The following CTNNA3 variants were observed in gnomAD, a reference collection of about 807,000 sequenced individuals.
CTNNA3 encodes catenin alpha 3.
A neutral mutation model predicts 95.7 loss-of-function variants in CTNNA3; 76 were observed. That is an observed-to-expected ratio of 0.79 (90% confidence interval 0.66 to 0.96). The LOEUF (loss-of-function observed/expected upper bound fraction) is 0.96. Among genes scored for constraint, CTNNA3 ranks in the 40% least tolerant of loss-of-function variants. The probability of loss-of-function intolerance (pLI) is 0.00; values close to 1 mark genes in which losing one functional copy is unlikely to be tolerated. For missense variants in CTNNA3, 1,191 were observed against 1,089.8 expected, an observed-to-expected ratio of 1.09 and a Z score of -1.31; for synonymous variants, 431 against 374.4, an observed-to-expected ratio of 1.15 and a Z score of -1.74.
At chr10:66,958,184 G>A (rs1848921851) in intron 7 of CTNNA3, among the ~76,000 whole-genome samples, 1 of 151,810 alleles carries the variant, frequency 6.6e-6, no homozygotes, top group Admixed American at 6.6e-5. Flanking sequence ...TTGAATAAAA[G>A]AGAAAGGAAG....
chr10:65,978,453 T>C (rs1290261015), intron 16 of CTNNA3, among the ~76,000 whole-genome samples: 1 of 151,426 alleles, frequency 6.6e-6, no homozygotes, highest in African/African-American at 2.4e-5. Context: ...CTTGCACGTG[T>C]TGTTGTTCTC....
intron 15 of CTNNA3, among the ~76,000 whole-genome samples, chr10:65,990,432 G>C (rs112573275): frequency 0.046 from 6,930 of 149,748 alleles, 559 homozygotes; most frequent in African/African-American, 0.16. Context: ...TTCTAACTGG[G>C]GTAAAATGAT....
intron 5 of CTNNA3, among the ~76,000 whole-genome samples, chr10:67,481,725 T>C (rs1389017321): frequency 1.3e-5 from 2 of 152,230 alleles, no homozygotes; most frequent in African/African-American, 2.4e-5. Context: ...TGGTAGTTTT[T>C]TTGCTGTGCA....
At chr10:66,772,559 A>T (rs1840135556) in intron 8 of CTNNA3, among the ~76,000 whole-genome samples, 1 of 152,226 alleles carries the variant, frequency 6.6e-6, no homozygotes, top group South Asian at 2.1e-4. Context: ...AGTCAGGGCC[A>T]AATCACAGAG....
At chr10:66,688,777 C>T (rs1262906280) in intron 9 of CTNNA3, among the ~76,000 whole-genome samples, 1 of 151,226 alleles carries the variant, frequency 6.6e-6, no homozygotes, top group East Asian at 1.9e-4. Flanking sequence ...CGAGACCATC[C>T]TGGCTAACGT....
rs1181811643 is a variant in CTNNA3 at position 66,928,598 on chromosome 10, G to T, written c.1048-153074C>A. The stretch of plus-strand genomic sequence containing the variant: ...TTGCTGGCAAGATCCTTCCTTGTCC[G>T]TTTTAGTGCATTCATAATACTGGTC... On this transcript the variant is annotated intron_variant, in intron 7 of 17. Transcript: ENST00000433211. The T allele has an allele frequency of 5.7e-6, 4 of 698,302 alleles. No individual in the cohort carries two copies. In the African/African-American group the frequency reaches 7.2e-5, roughly 13 times the overall value. The allele number at this position is 698,302 out of a possible 1,614,324, so 43.3% of individuals were successfully genotyped here.
chr10:66,163,380 C>T (rs1589604475), intron 13 of CTNNA3, among the ~76,000 whole-genome samples: 1 of 152,244 alleles, frequency 6.6e-6, no homozygotes, highest in Admixed American at 6.5e-5. Flanking sequence ...GCTCCCAGGG[C>T]CTTTCTGCTG....
intron 11 of CTNNA3, among the ~76,000 whole-genome samples, chr10:66,425,312 C>G (rs1273734643): frequency 6.6e-6 from 1 of 151,696 alleles, no homozygotes; most frequent in African/African-American, 2.4e-5. Flanking sequence ...AATAAATTTA[C>G]AATGAGTATG....
intron 13 of CTNNA3, among the ~76,000 whole-genome samples, chr10:66,275,391 C>T (rs1168437638): frequency 6.6e-6 from 1 of 152,202 alleles, no homozygotes; most frequent in Non-Finnish European, 1.5e-5. Context: ...CAGGCGTGAG[C>T]CACTGAACTT....
intron 13 of CTNNA3, among the ~76,000 whole-genome samples, chr10:66,222,423 CAT>C (rs1304658485): frequency 6.6e-6 from 1 of 151,960 alleles, no homozygotes; most frequent in East Asian, 1.9e-4. Context: ...TAATTTTGAC[CAT>C]AGACCCAAAA....
chr10:66,574,436 C>CAATGAAAAAAGCAAAAATAAGAT, intron 10 of CTNNA3, among the ~76,000 whole-genome samples: 1 of 150,998 alleles, frequency 6.6e-6, no homozygotes, highest in East Asian at 2.0e-4. Context: ...TCAAAAGTAC[C>CAATGAAAAAAGCAAAAATAAGAT]AATGAAAAAA....
chr10:67,044,200 GA>G (rs1258142471), intron 7 of CTNNA3, among the ~76,000 whole-genome samples: 1 of 151,902 alleles, frequency 6.6e-6, no homozygotes, highest in Non-Finnish European at 1.5e-5. Flanking sequence ...TAATATTAAA[GA>G]AAAAATATGG....
At chr10:67,435,773 G>A (rs764596468) in intron 5 of CTNNA3, among the ~76,000 whole-genome samples, 5 of 152,026 alleles carry the variant, frequency 3.3e-5, no homozygotes, top group Admixed American at 6.6e-5. Flanking sequence ...CAAAGCAGTC[G>A]AAAGACCTAT....
At chr10:66,081,124 C>CAGAAGT in intron 14 of CTNNA3, among the ~76,000 whole-genome samples, 1 of 152,216 alleles carries the variant, frequency 6.6e-6, no homozygotes, top group South Asian at 2.1e-4. Flanking sequence ...CAGAAGTCAA[C>CAGAAGT]CAATGAACCT....
At chr10:67,676,318 A>G (rs551294216) in intron 1 of CTNNA3, among the ~76,000 whole-genome samples, 1 of 152,200 alleles carries the variant, frequency 6.6e-6, no homozygotes, top group Non-Finnish European at 1.5e-5. Context: ...TTCTGAGGTC[A>G]TGCCACTGGA....
chr10:67,586,212 TA>T (rs1842620647), intron 3 of CTNNA3, among the ~76,000 whole-genome samples: 1 of 152,088 alleles, frequency 6.6e-6, no homozygotes. Flanking sequence ...CAATTTTTTT[TA>T]ATTTGTTGTG....
Position 67,183,806 on chromosome 10 carries a change from T to A in CTNNA3, c.844-3286A>T, listed in dbSNP as rs1039004503. Among the ~76,000 whole-genome samples, 5 of 152,062 alleles carry A rather than the reference T, an allele frequency of 3.3e-5. No homozygotes were observed. The East Asian group carries it at 9.6e-4, about 29-fold the overall frequency. ...ACTTTATTTCTCAACGTAAGCTCCATCAAGTTCAAGAAATTTATGCAAGTG... is the reference window on the plus strand; with the variant it reads ...ACTTTATTTCTCAACGTAAGCTCCAACAAGTTCAAGAAATTTATGCAAGTG... On this transcript the variant is annotated intron_variant, in intron 6 of 17. Transcript: ENST00000433211.
At chr10:66,692,200 A>T (rs2132540629) in intron 9 of CTNNA3, among the ~76,000 whole-genome samples, 1 of 152,306 alleles carries the variant, frequency 6.6e-6, no homozygotes, top group East Asian at 1.9e-4. Flanking sequence ...AAGGCAAAGA[A>T]GTTGAAAACT....
chr10:66,644,306 CTATATA>C (rs112963546), intron 9 of CTNNA3, among the ~76,000 whole-genome samples: 4,109 of 107,350 alleles, frequency 0.038, 138 homozygotes, highest in African/African-American at 0.092. Context: ...CTCTCTCTCT[CTATATA>C]TATATATATA....
Sources: gnomAD v4.1 joint callset for allele counts (sites outside exome capture counted in the v4.1 genomes callset) on GRCh38, gnomAD v4.1.1 for gene constraint, MANE v1.5 for transcripts, NCBI Gene and HGNC (gene_info 2026-07-23, HGNC 2026-07-21) for gene names.